C12orf42: variants seen among roughly 807,000 people sequenced by gnomAD.
C12orf42 encodes chromosome 12 open reading frame 42.
Under a neutral mutation model 21.6 loss-of-function variants are expected in C12orf42, and 25 were observed. The observed-to-expected ratio is 1.16, with a 90% CI of 0.84 to 1.62. The LOEUF (loss-of-function observed/expected upper bound fraction) is 1.62, where lower values mean the gene tolerates loss of function less well. C12orf42 is among the 40% of genes most tolerant of loss of function. C12orf42 has a pLI of 0.00. For missense variants in C12orf42, 483 were observed against 459.3 expected, an observed-to-expected ratio of 1.05 and a Z score of -0.47; for synonymous variants, 174 against 175.0, an observed-to-expected ratio of 0.99 and a Z score of 0.05.
chr12:103,372,874 T>A (rs2045381846), intron 3 of C12orf42, among the ~76,000 whole-genome samples: 1 of 152,190 alleles, frequency 6.6e-6, no homozygotes. Context: ...CTGAATGGAA[T>A]TAATTTATGT....
intron 3 of C12orf42, among the ~76,000 whole-genome samples, chr12:103,377,592 C>T (rs532151090): frequency 6.6e-6 from 1 of 152,260 alleles, no homozygotes; most frequent in South Asian, 2.1e-4. Flanking sequence ...TTGGAATCCC[C>T]ACCTCATCCC....
the C12orf42 span, among the ~76,000 whole-genome samples, chr12:103,522,422 C>G: frequency 6.1e-4 from 93 of 152,222 alleles, no homozygotes; most frequent in Middle Eastern, 0.01. Context: ...CTTTTTGTCC[C>G]GGCCCTCTCT....
the C12orf42 span, among the ~76,000 whole-genome samples, chr12:103,227,813 A>G: frequency 6.6e-6 from 1 of 152,280 alleles, no homozygotes; most frequent in South Asian, 2.1e-4. Context: ...TTTTGGGTCC[A>G]CGGATAAAAT....
intron 2 of C12orf42, among the ~76,000 whole-genome samples, chr12:103,455,609 C>A (rs560325205): frequency 2.0e-5 from 3 of 152,212 alleles, no homozygotes; most frequent in African/African-American, 7.2e-5. Flanking sequence ...ACCACAAGAT[C>A]CCTGGGGGTG....
chr12:103,518,823 A>G, the C12orf42 span, among the ~76,000 whole-genome samples: 1 of 152,100 alleles, frequency 6.6e-6, no homozygotes, highest in African/African-American at 2.4e-5. Flanking sequence ...CATCTTTACA[A>G]TATGAGGTTT....
chr12:103,236,465 G>A (rs534453774), downstream of C12orf42, among the ~76,000 whole-genome samples: 5 of 152,222 alleles, frequency 3.3e-5, no homozygotes, highest in Admixed American at 6.5e-5. Flanking sequence ...CTTTAATCAT[G>A]GCTGAAATGT....
chr12:103,062,016 T>C, the C12orf42 span, among the ~76,000 whole-genome samples: 6 of 152,040 alleles, frequency 3.9e-5, no homozygotes, highest in Admixed American at 2.0e-4. Flanking sequence ...GTTGATACTC[T>C]GTAAATTACA....
the C12orf42 span, among the ~76,000 whole-genome samples, chr12:103,066,973 A>G: frequency 2.6e-5 from 4 of 152,152 alleles, no homozygotes; most frequent in Admixed American, 1.3e-4. Flanking sequence ...GCAGGGATGG[A>G]GGTTTCACAT....
the C12orf42 span, among the ~76,000 whole-genome samples, chr12:103,162,130 C>T: frequency 2.0e-5 from 3 of 152,156 alleles, no homozygotes; most frequent in Non-Finnish European, 4.4e-5. Flanking sequence ...ATTGATGATC[C>T]TCATTCTAAA....
In C12orf42 at chr12:103,356,843, A is replaced by G. The variant is rs1219324598; in HGVS notation, c.259+12044T>C. On this transcript the variant is annotated intron_variant, in intron 4 of 5. Coordinates refer to ENST00000548883, the MANE Select transcript of C12orf42 (RefSeq NM_198521.5). Reference sequence around the variant, plus strand: ...GTCTTCTTTTGAGAAGTGTCTGTTCATGTCCTTCGCCCACTTTTTGATGGG... The same window carrying G: ...GTCTTCTTTTGAGAAGTGTCTGTTCGTGTCCTTCGCCCACTTTTTGATGGG... Among the ~76,000 whole-genome samples the G allele has an allele frequency of 6.6e-5, 10 of 151,862 alleles. No individual in the cohort carries two copies. The South Asian group carries it at 1.9e-3, about 29-fold the overall frequency.
the C12orf42 span, among the ~76,000 whole-genome samples, chr12:103,122,783 A>C: frequency 6.6e-6 from 1 of 152,154 alleles, no homozygotes; most frequent in Non-Finnish European, 1.5e-5. Flanking sequence ...TTGCAGATCA[A>C]TATAGGGACT....
At chr12:103,383,861 G>A (rs953378690) in intron 3 of C12orf42, among the ~76,000 whole-genome samples, 1 of 152,340 alleles carries the variant, frequency 6.6e-6, no homozygotes, top group Non-Finnish European at 1.5e-5. Context: ...AGCAATGTAA[G>A]CTATCATGAT....
chr12:103,288,299 C>T (rs1368660179), intron 4 of C12orf42, among the ~76,000 whole-genome samples: 1 of 152,102 alleles, frequency 6.6e-6, no homozygotes, highest in Non-Finnish European at 1.5e-5. Context: ...AAGTTAAAAT[C>T]TCAGTTGATT....
the C12orf42 span, among the ~76,000 whole-genome samples, chr12:103,561,507 G>C: frequency 8.5e-5 from 13 of 152,180 alleles, no homozygotes; most frequent in South Asian, 6.2e-4. Context: ...GACTCACTGA[G>C]GCCTTTTCTT....
chr12:103,151,155 CT>C, the C12orf42 span, among the ~76,000 whole-genome samples: 1 of 152,262 alleles, frequency 6.6e-6, no homozygotes, highest in South Asian at 2.1e-4. Context: ...TCTCGAACTC[CT>C]GACCTCGTGA....
At chr12:103,347,734 G>T (rs1185029302) in intron 4 of C12orf42, among the ~76,000 whole-genome samples, 1 of 152,100 alleles carries the variant, frequency 6.6e-6, no homozygotes, top group Non-Finnish European at 1.5e-5. Flanking sequence ...AAGGTGGGGA[G>T]CCATCCATAG....
chr12:103,294,616 GAA>G (rs1398741595), intron 4 of C12orf42, among the ~76,000 whole-genome samples: 6 of 137,214 alleles, frequency 4.4e-5, no homozygotes, highest in African/African-American at 1.7e-4. Flanking sequence ...AAGAAAGAAA[GAA>G]AGAAAGAAAG....
At chr12:103,187,256 A>T in the C12orf42 span, among the ~76,000 whole-genome samples, 1 of 152,158 alleles carries the variant, frequency 6.6e-6, no homozygotes, top group Non-Finnish European at 1.5e-5. Context: ...TTACAGATTA[A>T]CTCATTTAAT....
At chr12:103,113,552 A>G in the C12orf42 span, among the ~76,000 whole-genome samples, 1 of 149,032 alleles carries the variant, frequency 6.7e-6, no homozygotes, top group Non-Finnish European at 1.5e-5. Flanking sequence ...GTCTGGAGAC[A>G]TTTTGGGTTG....
Sources: allele counts gnomAD v4.1 joint callset (sites outside exome capture counted in the v4.1 genomes callset), GRCh38; gene constraint gnomAD v4.1.1; transcripts MANE v1.5; gene names NCBI Gene and HGNC (gene_info 2026-07-23, HGNC 2026-07-21).